Variants in PDPR observed in about 807,000 individuals in gnomAD.
PDPR encodes the protein pyruvate dehydrogenase phosphatase regulatory subunit, mitochondrial.
In PDPR, 50 loss-of-function variants were observed where a neutral mutation model predicts 102.2. The ratio of observed to expected loss-of-function variants is 0.49; its 90% CI spans 0.39 to 0.62. The LOEUF (loss-of-function observed/expected upper bound fraction) is 0.62. PDPR is among the 20% of genes least tolerant of loss of function. The probability of loss-of-function intolerance (pLI) is 0.00; values close to 1 mark genes in which losing one functional copy is unlikely to be tolerated. For synonymous variants in PDPR, 259 were observed against 406.0 expected (o/e 0.64, Z 4.35); for missense variants, 625 against 1,098.2 (o/e 0.57, Z 6.09).
At position 70,156,781 on chromosome 16, in the gene PDPR, C is replaced by A. The variant is rs111255549; in HGVS notation, c.2542C>A (p.Arg848Ser). The A allele has an allele frequency of 3.4e-4, 545 of 1,613,814 alleles. No homozygotes were observed. Among genetic ancestry groups the A allele is most frequent in the Non-Finnish European group, 4.1e-4 (482 of 1,179,692 alleles). ...GEYEIDIAGY[R>S]FQAKAKLYPV... ...GTATGAGATTGACATCGCGGGATAC[C>A]GCTTCCAGGCCAAGGCCAAGCTCTA... Residue 848 changes from arginine (R) to serine (S), a missense_variant, in exon 19 of 19, where the codon CGC (arginine) becomes AGC (serine). By Grantham distance (110) the Arg-to-Ser change is moderately radical (BLOSUM62 -1). Transcript: ENST00000288050.
chr16:70,153,277 T>C lies in PDPR; in HGVS notation c.2053-114T>C, dbSNP rs1176462712. 3.4e-6 allele frequency: 4 copies of C among 1,189,784 alleles called. No individual in the cohort carries two copies. The African/African-American group carries it at 6.3e-5, about 19-fold the overall frequency. The allele number at this position is 1,189,784 out of a possible 1,614,324, so 73.7% of individuals were successfully genotyped here. On this transcript the variant is annotated intron_variant, in intron 17 of 18. Coordinates refer to ENST00000288050, the MANE Select transcript of PDPR (RefSeq NM_017990.5). The stretch of plus-strand genomic sequence containing the variant: ...CAAGGATGAGACATCCTGGGAGTTT[T>C]ATACGCCTCCTCTCTTGTCCATGTT...
chr16:70,155,001 G>A (rs545083192), intron 18 of PDPR, among the ~76,000 whole-genome samples: 90 of 152,216 alleles, frequency 5.9e-4, no homozygotes, highest in African/African-American at 2.1e-3. Context: ...AGACCAGCCC[G>A]GCCAACATGG....
chr16:70,139,807 C>G (rs1270001318), intron 11 of PDPR, among the ~76,000 whole-genome samples: 1 of 152,244 alleles, frequency 6.6e-6, no homozygotes, highest in Non-Finnish European at 1.5e-5. Flanking sequence ...ATATTTTGGG[C>G]ATACTTATGC....
intron 9 of PDPR, among the ~76,000 whole-genome samples, chr16:70,133,522 A>ATTC (rs1247803143): frequency 6.7e-6 from 1 of 150,062 alleles, no homozygotes; most frequent in East Asian, 2.0e-4. Flanking sequence ...GGTTCAAGTG[A>ATTC]TTCTCATGCC....
At chr16:70,128,529 A>G (rs1377415548) in intron 4 of PDPR, among the ~76,000 whole-genome samples, 1 of 152,246 alleles carries the variant, frequency 6.6e-6, no homozygotes, top group Non-Finnish European at 1.5e-5. Flanking sequence ...CACCTGGCCT[A>G]GAATCTCATT....
At chr16:70,133,681 G>A (rs1469472002) in intron 9 of PDPR, among the ~76,000 whole-genome samples, 1 of 152,164 alleles carries the variant, frequency 6.6e-6, no homozygotes, top group African/African-American at 2.4e-5. Flanking sequence ...GTCTCCCAAA[G>A]TGCTGGGAGT....
At chr16:70,122,854 T>TACACACACACACACACACACAG (rs71151173) in intron 3 of PDPR, among the ~76,000 whole-genome samples, 5 of 145,614 alleles carry the variant, frequency 3.4e-5, no homozygotes, top group African/African-American at 1.3e-4. Context: ...TATACACACA[T>TACACACACACACACACACACAG]ACACACACAC....
chr16:70,127,896 G>A (rs1964135050), intron 4 of PDPR, among the ~76,000 whole-genome samples: 1 of 151,776 alleles, frequency 6.6e-6, no homozygotes, highest in African/African-American at 2.4e-5. Context: ...AAGCCAGGAT[G>A]TGGGGACTGC....
intron 11 of PDPR, among the ~76,000 whole-genome samples, chr16:70,140,827 A>T (rs924145835): frequency 1.3e-5 from 2 of 152,212 alleles, no homozygotes; most frequent in African/African-American, 4.8e-5. Flanking sequence ...CAAAAAATAA[A>T]AAAAAAATAG....
In PDPR at chr16:70,120,656, C is replaced by T. The variant is rs769530516; in HGVS notation, c.164C>T (p.Thr55Ile). ...ATCTGTGGAGGTGGAATCACGGGCACTTCTGTGGCCTATCACCTCTCCAAA... is the reference window on the plus strand; with the variant it reads ...ATCTGTGGAGGTGGAATCACGGGCATTTCTGTGGCCTATCACCTCTCCAAA... ...VVICGGGITG[T>I]SVAYHLSKMG... The change falls in exon 3 of 19, where the codon ACT becomes ATT. Residue 55 changes from threonine (T) to isoleucine (I), a missense_variant. Transcript: ENST00000288050. 12 of 1,613,916 alleles carry T rather than the reference C, an allele frequency of 7.4e-6. No homozygotes were observed. The East Asian group carries it at 2.5e-4, about 33-fold the overall frequency.
intron 6 of PDPR, among the ~76,000 whole-genome samples, chr16:70,129,789 G>A (rs1180503537): frequency 4.6e-5 from 7 of 152,258 alleles, no homozygotes; most frequent in South Asian, 2.1e-4. Context: ...CTTAACTAGC[G>A]TCCAGGGTAT....
At chr16:70,138,234 T>G in intron 10 of PDPR, among the ~76,000 whole-genome samples, 1 of 136,418 alleles carries the variant, frequency 7.3e-6, no homozygotes, top group Admixed American at 8.1e-5. Flanking sequence ...TTTTTTTTTT[T>G]TGAGTTGGGG....
rs1445083734 is a variant in PDPR at position 70,157,542 on chromosome 16, TTGG to T, written c.*664_*666del. 4.9e-6 allele frequency: 1 copy of T among 203,502 alleles called. No individual in the cohort carries two copies. The highest frequency in any genetic ancestry group is 1.0e-5 in the Non-Finnish European group (1 of 100,006). The allele number at this position is 203,502 out of a possible 1,614,324, so 12.6% of individuals were successfully genotyped here. A position where few individuals can be genotyped will look rare whatever the true frequency, so the allele number is the denominator to read the frequency against. On this transcript the variant is annotated 3_prime_UTR_variant, in exon 19 of 19. Coordinates refer to ENST00000288050, the MANE Select transcript of PDPR (RefSeq NM_017990.5). The stretch of plus-strand genomic sequence containing the variant: ...CCCTGCAGAAGCCATTAGCAGACCT[TTGG>T]GCCAGGGCAGCCTCCCTATAATTTT...
chr16:70,139,680 A>G (rs538288585), intron 11 of PDPR, among the ~76,000 whole-genome samples: 45 of 152,270 alleles, frequency 3.0e-4, no homozygotes, highest in African/African-American at 1.1e-3. Context: ...TTTATTTTCT[A>G]GGAAGCCCTT....
intron 3 of PDPR, among the ~76,000 whole-genome samples, chr16:70,121,606 C>A (rs1443687326): frequency 5.3e-5 from 8 of 152,042 alleles, no homozygotes; most frequent in African/African-American, 1.9e-4. Flanking sequence ...GCAGGAGAAT[C>A]GCTTGAATCC....
intron 11 of PDPR, among the ~76,000 whole-genome samples, chr16:70,140,187 A>C (rs1260243002): frequency 6.6e-6 from 1 of 152,186 alleles, no homozygotes; most frequent in Admixed American, 6.5e-5. Context: ...ACCAAAACCA[A>C]AAAATTAGCC....
At chr16:70,136,521 T>C (rs1274823668) in intron 10 of PDPR, 135 bp downstream of exon 10, 1 of 798,670 alleles carries the variant, frequency 1.3e-6, no homozygotes, top group Non-Finnish European at 2.0e-6. Flanking sequence ...AGAAGATACA[T>C]GTAATTTTGG....
At chr16:70,135,935 G>T (rs1444447411) in intron 9 of PDPR, among the ~76,000 whole-genome samples, 6 of 152,218 alleles carry the variant, frequency 3.9e-5, no homozygotes, top group Admixed American at 3.9e-4. Flanking sequence ...TGGGCATGGT[G>T]GTGCACGCCT....
chr16:70,157,482 G>A lies in PDPR; in HGVS notation c.*603G>A. 3.1e-6 allele frequency: 1 copy of A among 326,024 alleles called. No individual in the cohort carries two copies. Among genetic ancestry groups the A allele is most frequent in the Non-Finnish European group, 6.0e-6 (1 of 166,904 alleles). The allele number at this position is 326,024 out of a possible 1,614,324, so 20.2% of individuals were successfully genotyped here. ...CATGGACGTTCTCTGGTCTGTAGTG[G>A]AGACAAGCAGTTAACCTAGCACCAT... is the stretch of plus-strand genomic sequence containing the variant. On this transcript the variant is annotated 3_prime_UTR_variant, in exon 19 of 19. Coordinates refer to ENST00000288050, the MANE Select transcript of PDPR (RefSeq NM_017990.5).
Sources: allele counts gnomAD v4.1 joint callset (sites outside exome capture counted in the v4.1 genomes callset), GRCh38; gene constraint gnomAD v4.1.1; transcripts MANE v1.5; gene names NCBI Gene and HGNC (gene_info 2026-07-23, HGNC 2026-07-21).